The following SIPA1L2 variants were observed in gnomAD, a reference collection of about 807,000 sequenced individuals.
The protein encoded by SIPA1L2 is signal induced proliferation associated 1 like 2.
A neutral mutation model predicts 163.9 loss-of-function variants in SIPA1L2; 56 were observed. The ratio of observed to expected loss-of-function variants is 0.34; its 90% CI spans 0.28 to 0.43. The LOEUF is 0.43. Among genes scored for constraint, SIPA1L2 ranks in the 20% least tolerant of loss-of-function variants. SIPA1L2 has a pLI of 1.00. For missense variants in SIPA1L2, 1,974 were observed against 2,193.5 expected (o/e 0.90, Z 2.00); for synonymous variants, 877 against 865.7 (o/e 1.01, Z -0.23).
intron 1 of SIPA1L2, among the ~76,000 whole-genome samples, chr1:232,597,534 A>C (rs1252246822): frequency 6.6e-6 from 1 of 151,350 alleles, no homozygotes; most frequent in Non-Finnish European, 1.5e-5. Context: ...AAAAAAAAAA[A>C]AAAAAATTAG....
rs530389364 is a variant in SIPA1L2 at position 232,550,574 on chromosome 1, G to A, written c.-270+23600C>T. 4.6e-5 allele frequency among the ~76,000 whole-genome samples: 7 copies of A among 152,314 alleles called. No individual in the cohort carries two copies. The South Asian group carries it at 1.4e-3, about 32-fold the overall frequency. On this transcript the variant is annotated intron_variant, in intron 2 of 22. Coordinates refer to ENST00000674635, the MANE Select transcript of SIPA1L2 (RefSeq NM_020808.5). ...AAAACAGCTGATTCTGCCTTTTGGA[G>A]CATTAATAATTGTGGCTGTTTTTGC...
intron 2 of SIPA1L2, among the ~76,000 whole-genome samples, chr1:232,529,215 T>C (rs2103079103): frequency 6.6e-6 from 1 of 152,330 alleles, no homozygotes; most frequent in Middle Eastern, 3.4e-3. Flanking sequence ...CCTCCACCTC[T>C]ATGTTTTTGC....
At chr1:232,497,643 A>C (rs1345864856) in intron 3 of SIPA1L2, among the ~76,000 whole-genome samples, 1 of 151,982 alleles carries the variant, frequency 6.6e-6, no homozygotes, top group Non-Finnish European at 1.5e-5. Context: ...GTGGCCACTC[A>C]CTTCTTGGCT....
chr1:232,556,174 T>G (rs970339008), intron 2 of SIPA1L2, among the ~76,000 whole-genome samples: 20 of 152,218 alleles, frequency 1.3e-4, no homozygotes, highest in African/African-American at 4.1e-4. Flanking sequence ...AAGCTTACCT[T>G]TCTGTCTGTT....
At chr1:232,571,263 T>A (rs946278903) in intron 2 of SIPA1L2, among the ~76,000 whole-genome samples, 1 of 152,248 alleles carries the variant, frequency 6.6e-6, no homozygotes, top group Admixed American at 6.5e-5. Flanking sequence ...ACACTTTTTT[T>A]AACATTAAAA....
chr1:232,522,330 T>C (rs370812199), intron 2 of SIPA1L2, among the ~76,000 whole-genome samples: 6 of 152,144 alleles, frequency 3.9e-5, no homozygotes, highest in African/African-American at 1.2e-4. Context: ...TTGACCTTCA[T>C]GTTCTTATCC....
intron 2 of SIPA1L2, among the ~76,000 whole-genome samples, chr1:232,541,184 C>T (rs1341907089): frequency 6.6e-6 from 1 of 152,042 alleles, no homozygotes; most frequent in Non-Finnish European, 1.5e-5. Flanking sequence ...TGCAGCAAAC[C>T]ACTATGGCAC....
chr1:232,563,993 G>GTGTA (rs1469843369), intron 2 of SIPA1L2, among the ~76,000 whole-genome samples: 1 of 123,730 alleles, frequency 8.1e-6, no homozygotes, highest in Non-Finnish European at 1.6e-5. Context: ...GTGTGTGTGT[G>GTGTA]TGTGATGGAG....
At chr1:232,500,159 T>C (rs1241000829) in intron 3 of SIPA1L2, among the ~76,000 whole-genome samples, 2 of 152,206 alleles carry the variant, frequency 1.3e-5, no homozygotes, top group African/African-American at 4.8e-5. Context: ...ACAAAAAACA[T>C]TCCTTTCAAA....
intron 10 of SIPA1L2, among the ~76,000 whole-genome samples, chr1:232,446,486 C>G (rs1344239395): frequency 6.6e-6 from 1 of 152,182 alleles, no homozygotes; most frequent in Non-Finnish European, 1.5e-5. Flanking sequence ...TGTATACATG[C>G]AGTTCATTAT....
chr1:232,402,734 G>A, intron 21 of SIPA1L2: 1 of 277,610 alleles, frequency 3.6e-6, no homozygotes, highest in South Asian at 5.0e-5. Flanking sequence ...ATTTAAGTTG[G>A]TTTATCCAAT....
At chr1:232,617,058 G>T (rs1662537262) in intron 1 of SIPA1L2, among the ~76,000 whole-genome samples, 1 of 152,196 alleles carries the variant, frequency 6.6e-6, no homozygotes. Flanking sequence ...TGTTGCATTT[G>T]AAATAATTGG....
chr1:232,613,883 G>A (rs968849580), intron 1 of SIPA1L2, among the ~76,000 whole-genome samples: 1 of 152,094 alleles, frequency 6.6e-6, no homozygotes, highest in Admixed American at 6.5e-5. Flanking sequence ...TGTAAGAATC[G>A]CCCACAGGAT....
intron 1 of SIPA1L2, among the ~76,000 whole-genome samples, chr1:232,603,889 G>T (rs971418199): frequency 2.0e-5 from 3 of 151,998 alleles, no homozygotes; most frequent in African/African-American, 7.2e-5. Flanking sequence ...TATTTTTGAC[G>T]ACTAAGTAAA....
At chr1:232,477,444 A>G (rs1484873554) in intron 7 of SIPA1L2, among the ~76,000 whole-genome samples, 2 of 152,190 alleles carry the variant, frequency 1.3e-5, no homozygotes, top group African/African-American at 2.4e-5. Context: ...TTATTCATTC[A>G]ACAAATGTTT....
chr1:232,530,314 C>T (rs1003512386), intron 2 of SIPA1L2, among the ~76,000 whole-genome samples: 3 of 152,122 alleles, frequency 2.0e-5, no homozygotes, highest in African/African-American at 7.2e-5. Context: ...CAGGGTTTCA[C>T]CAAATTGGCC....
intron 10 of SIPA1L2, among the ~76,000 whole-genome samples, chr1:232,457,983 C>T (rs1299391213): frequency 6.6e-6 from 1 of 152,112 alleles, no homozygotes; most frequent in Admixed American, 6.5e-5. Flanking sequence ...AATTCAGATT[C>T]CTAGAAAATT....
chr1:232,456,942 A>G (rs184407441), intron 10 of SIPA1L2, among the ~76,000 whole-genome samples: 1 of 152,290 alleles, frequency 6.6e-6, no homozygotes, highest in East Asian at 1.9e-4. Flanking sequence ...TCAGTTAATA[A>G]GTGTCCCTCA....
intron 3 of SIPA1L2, among the ~76,000 whole-genome samples, chr1:232,513,210 T>C (rs1357795023): frequency 1.3e-5 from 2 of 152,248 alleles, no homozygotes; most frequent in Admixed American, 1.3e-4. Context: ...AGGATTCAAC[T>C]ACATGACCTC....
Sources: gnomAD v4.1 joint callset for allele counts (sites outside exome capture counted in the v4.1 genomes callset) on GRCh38, gnomAD v4.1.1 for gene constraint, MANE v1.5 for transcripts, NCBI Gene and HGNC (gene_info 2026-07-23, HGNC 2026-07-21) for gene names.